The following LTBP1 variants were observed in gnomAD, a reference collection of about 807,000 sequenced individuals.
LTBP1 encodes latent-transforming growth factor beta-binding protein 1.
LTBP1 carries 129 observed loss-of-function variants against 207.6 expected under a neutral mutation model. The ratio of observed to expected loss-of-function variants is 0.62; its 90% CI spans 0.54 to 0.72. The LOEUF is 0.72. Ranked by LOEUF, LTBP1 falls within the 30% of genes least tolerant of loss-of-function variation. LTBP1 has a pLI of 0.00. For synonymous variants in LTBP1, 963 were observed against 833.7 expected (o/e 1.16, Z -2.67); for missense variants, 2,281 against 2,217.2 (o/e 1.03, Z -0.58).
Position 33,360,691 on chromosome 2 carries a change from C to T in LTBP1, c.4095C>T (p.Pro1365=), listed in dbSNP as rs1208047940. The T allele has an allele frequency of 5.6e-6, 9 of 1,613,492 alleles. No homozygotes were observed. Among genetic ancestry groups the T allele is most frequent in the Non-Finnish European group, 6.8e-6 (8 of 1,179,500 alleles). The part of the protein sequence containing the change: ...DASLCDNVLA[P]NVTKQECCCT... ...GTCTCTGTGATAATGTGTTGGCCCC[C>T]AATGTCACGAAACAAGAATGCTGCT... The change falls in exon 27 of 34, where the codon CCC becomes CCT. Residue 1365 remains proline (P), a synonymous_variant. Transcript: ENST00000404816.
chr2:33,375,903 C>G (rs2095134445), intron 31 of LTBP1, among the ~76,000 whole-genome samples: 1 of 151,846 alleles, frequency 6.6e-6, no homozygotes, highest in African/African-American at 2.4e-5. Flanking sequence ...CCTAGATATT[C>G]CTAAGAATTT....
chr2:33,114,889 C>A (rs2080640600), intron 4 of LTBP1, among the ~76,000 whole-genome samples: 1 of 152,044 alleles, frequency 6.6e-6, no homozygotes, highest in African/African-American at 2.4e-5. Context: ...AATTCCACAC[C>A]TAGCTATATA....
intron 5 of LTBP1, among the ~76,000 whole-genome samples, chr2:33,158,479 T>G (rs2148036618): frequency 6.6e-6 from 1 of 152,180 alleles, no homozygotes; most frequent in East Asian, 1.9e-4. Flanking sequence ...TTGGAATTAA[T>G]CTAGAGAAAG....
chr2:33,378,436 TG>T (rs1193188746), intron 31 of LTBP1, among the ~76,000 whole-genome samples: 1 of 152,168 alleles, frequency 6.6e-6, no homozygotes, highest in African/African-American at 2.4e-5. Flanking sequence ...TTCACCATGT[TG>T]CCCAGGCTGG....
chr2:33,079,455 A>G (rs1273407242), intron 3 of LTBP1, among the ~76,000 whole-genome samples: 1 of 152,202 alleles, frequency 6.6e-6, no homozygotes, highest in Non-Finnish European at 1.5e-5. Context: ...GAGCTAGGCA[A>G]TTTGGAGAAT....
At chr2:32,983,780 G>C (rs1683130080) in intron 2 of LTBP1, among the ~76,000 whole-genome samples, 1 of 152,190 alleles carries the variant, frequency 6.6e-6, no homozygotes, top group African/African-American at 2.4e-5. Flanking sequence ...CCATGATTGT[G>C]AGGCCTCCCC....
intron 20 of LTBP1, among the ~76,000 whole-genome samples, chr2:33,295,775 T>C (rs1447000947): frequency 2.0e-5 from 3 of 152,154 alleles, no homozygotes; most frequent in Non-Finnish European, 4.4e-5. Flanking sequence ...AGTGTCTTGA[T>C]GTAAGTGAAG....
At chr2:33,126,074 C>T (rs2081414776) in intron 4 of LTBP1, among the ~76,000 whole-genome samples, 1 of 151,880 alleles carries the variant, frequency 6.6e-6, no homozygotes, top group African/African-American at 2.4e-5. Context: ...GTTCTTTGCC[C>T]CATGAGTGAG....
chr2:33,252,314 G>A (rs2092707957), intron 10 of LTBP1, among the ~76,000 whole-genome samples: 1 of 152,142 alleles, frequency 6.6e-6, no homozygotes, highest in Non-Finnish European at 1.5e-5. Flanking sequence ...TCTCTACTGT[G>A]GTTAAATATA....
chr2:32,953,349 T>C (rs895332512), intron 2 of LTBP1, among the ~76,000 whole-genome samples: 2 of 152,092 alleles, frequency 1.3e-5, no homozygotes, highest in African/African-American at 4.8e-5. Context: ...CCCAGAGTGA[T>C]TATATATTTT....
chr2:33,324,374 A>G (rs2094398481), intron 24 of LTBP1, among the ~76,000 whole-genome samples: 1 of 151,524 alleles, frequency 6.6e-6, no homozygotes, highest in Non-Finnish European at 1.5e-5. Flanking sequence ...AAACTTTATC[A>G]TAGGTATGTA....
chr2:32,992,693 G>A (rs1233770130), intron 2 of LTBP1, among the ~76,000 whole-genome samples: 1 of 152,168 alleles, frequency 6.6e-6, no homozygotes, highest in Non-Finnish European at 1.5e-5. Flanking sequence ...GGACATGTAA[G>A]GGAAGAATCC....
intron 9 of LTBP1, among the ~76,000 whole-genome samples, chr2:33,240,945 C>T (rs1036402464): frequency 3.9e-5 from 6 of 152,214 alleles, no homozygotes; most frequent in African/African-American, 1.4e-4. Context: ...CCACCGCGCC[C>T]GGCCAGAAAC....
chr2:33,386,069 G>T (rs1354671541), intron 31 of LTBP1, among the ~76,000 whole-genome samples: 1 of 152,210 alleles, frequency 6.6e-6, no homozygotes, highest in Non-Finnish European at 1.5e-5. Context: ...CGCTTCCCTA[G>T]CCTTGGTCTA....
intron 7 of LTBP1, among the ~76,000 whole-genome samples, chr2:33,203,110 C>G (rs965588225): frequency 6.6e-6 from 1 of 152,198 alleles, no homozygotes; most frequent in South Asian, 2.1e-4. Flanking sequence ...CTGTAGCCAT[C>G]CGTGCCAAAC....
chr2:33,084,053 G>C (rs915790757), intron 3 of LTBP1, among the ~76,000 whole-genome samples: 1 of 152,288 alleles, frequency 6.6e-6, no homozygotes, highest in East Asian at 1.9e-4. Flanking sequence ...GGAGGAATCT[G>C]ATGTCTGGAA....
intron 2 of LTBP1, among the ~76,000 whole-genome samples, chr2:33,002,964 G>T (rs556884738): frequency 1.3e-5 from 2 of 152,128 alleles, no homozygotes; most frequent in African/African-American, 4.8e-5. Flanking sequence ...AGGCGTAAGC[G>T]ACCGTGCCTG....
intron 19 of LTBP1, among the ~76,000 whole-genome samples, chr2:33,292,331 G>A (rs1422120777): frequency 6.6e-6 from 1 of 152,114 alleles, no homozygotes; most frequent in East Asian, 1.9e-4. Context: ...TCTATCACTA[G>A]ATTTAACTTT....
chr2:33,360,655 CAAT>C lies in LTBP1; in HGVS notation c.4060_4062del (p.Asn1354del), dbSNP rs1559066934. 2.5e-6 allele frequency: 4 copies of C among 1,613,766 alleles called. No homozygotes were observed. In the South Asian group the frequency reaches 3.3e-5, roughly 13 times the overall value. ...AAAAGAAAGAATGCTACTATAATCT[CAAT>C]GACGCCAGTCTCTGTGATAATGTGT... On this transcript the variant is annotated inframe_deletion, in exon 27 of 34. Coordinates refer to ENST00000404816, the MANE Select transcript of LTBP1 (RefSeq NM_206943.4).
Sources: gnomAD v4.1 joint callset for allele counts (sites outside exome capture counted in the v4.1 genomes callset) on GRCh38, gnomAD v4.1.1 for gene constraint, MANE v1.5 for transcripts, NCBI Gene and HGNC (gene_info 2026-07-23, HGNC 2026-07-21) for gene names.